PDE5A: variants seen among roughly 807,000 people sequenced by gnomAD.
PDE5A encodes the protein phosphodiesterase 5A.
Under a neutral mutation model 110.2 loss-of-function variants are expected in PDE5A, and 67 were observed. The observed-to-expected ratio is 0.61, with a 90% confidence interval of 0.50 to 0.75. PDE5A has a LOEUF of 0.75. Among genes scored for constraint, PDE5A ranks in the 30% least tolerant of loss-of-function variants. The pLI is 0.00. For missense variants in PDE5A, 862 were observed against 1,045.1 expected (o/e 0.82, Z 2.42); for synonymous variants, 328 against 351.2 (o/e 0.93, Z 0.74).
In PDE5A at chr4:119,613,625, C is replaced by T. The variant is rs188149028; in HGVS notation, c.153-6328G>A. Among the ~76,000 whole-genome samples, 9 of 152,148 alleles carry T rather than the reference C, an allele frequency of 5.9e-5. No homozygotes were observed. In the East Asian group the frequency reaches 1.4e-3, roughly 23 times the overall value. On this transcript the variant is annotated intron_variant, in intron 1 of 20. Transcript: ENST00000354960. ...TGTCCAATATAAAAGTAGAAAGCAACGGATGGAAATCCAGAAACCTCAGTA... is the reference window on the plus strand; with the variant it reads ...TGTCCAATATAAAAGTAGAAAGCAATGGATGGAAATCCAGAAACCTCAGTA...
rs533501916 is a variant in PDE5A at position 119,573,138 on chromosome 4, G to A, written c.832-5994C>T. ...ACAATATTGCATTCCATATCAAACT[G>A]TATTCATTTGATCTCCAAAGAATGG... On this transcript the variant is annotated intron_variant, in intron 3 of 20. Coordinates refer to ENST00000354960, the MANE Select transcript of PDE5A (RefSeq NM_001083.4). Among the ~76,000 whole-genome samples, 7 of 152,178 alleles carry A rather than the reference G, an allele frequency of 4.6e-5. No individual in the cohort carries two copies. The South Asian group carries it at 1.5e-3, about 32-fold the overall frequency.
intron 11 of PDE5A, among the ~76,000 whole-genome samples, chr4:119,530,171 TCA>T (rs1726480008): frequency 6.6e-6 from 1 of 152,144 alleles, no homozygotes; most frequent in Non-Finnish European, 1.5e-5. Context: ...GACTGCCATA[TCA>T]CAGTGTGATG....
chr4:119,586,699 A>G (rs1376178718), intron 3 of PDE5A, among the ~76,000 whole-genome samples: 2 of 152,228 alleles, frequency 1.3e-5, no homozygotes, highest in African/African-American at 2.4e-5. Flanking sequence ...TTCAGGGACT[A>G]TGTAAAACTT....
intron 11 of PDE5A, among the ~76,000 whole-genome samples, chr4:119,536,864 T>C (rs540011938): frequency 5.3e-5 from 8 of 152,264 alleles, no homozygotes; most frequent in African/African-American, 1.9e-4. Context: ...AGAAGCACAA[T>C]AGAAACTCTC....
At chr4:119,523,820 T>TAGTTCAACAGAAACTAA (rs1726213620) in intron 12 of PDE5A, among the ~76,000 whole-genome samples, 1 of 152,090 alleles carries the variant, frequency 6.6e-6, no homozygotes, top group Non-Finnish European at 1.5e-5. Context: ...AGAATCATTA[T>TAGTTCAACAGAAACTAA]TAGTTTCAAG....
chr4:119,512,598 T>C (rs1725784108), intron 14 of PDE5A: 1 of 151,510 alleles, frequency 6.6e-6, no homozygotes, highest in East Asian at 1.9e-4. Flanking sequence ...TGTTTAAGAG[T>C]AGATCAGATA....
intron 1 of PDE5A, among the ~76,000 whole-genome samples, chr4:119,619,460 A>T (rs1730067708): frequency 6.6e-6 from 1 of 152,216 alleles, no homozygotes; most frequent in Non-Finnish European, 1.5e-5. Context: ...TCACAAAGTT[A>T]GCTAATAGCA....
rs1387037767 is a variant in PDE5A, at chr4:119,498,495, A to G, written c.*106T>C. ...GCAAAAATAAAAATACAGCAGTGGCAAAGTATATACCAAATACAGACACTA... is the reference window on the plus strand; with the variant it reads ...GCAAAAATAAAAATACAGCAGTGGCGAAGTATATACCAAATACAGACACTA... On this transcript the variant is annotated 3_prime_UTR_variant, in exon 21 of 21. Transcript: ENST00000354960. 1.6e-6 allele frequency: 2 copies of G among 1,276,978 alleles called. No individual in the cohort carries two copies. The highest frequency in any genetic ancestry group is 2.2e-6 in the Non-Finnish European group (2 of 917,440). The allele number at this position is 1,276,978 out of a possible 1,614,324, so 79.1% of individuals were successfully genotyped here.
At chr4:119,609,149 G>A (rs1044755654) in intron 1 of PDE5A, among the ~76,000 whole-genome samples, 3 of 151,122 alleles carry the variant, frequency 2.0e-5, no homozygotes, top group South Asian at 2.1e-4. Context: ...GCTACAGTTC[G>A]AGACTCCGTC....
chr4:119,619,363 T>A (rs1343290735), intron 1 of PDE5A, among the ~76,000 whole-genome samples: 3 of 152,208 alleles, frequency 2.0e-5, no homozygotes, highest in African/African-American at 7.2e-5. Flanking sequence ...AAGAGATTTT[T>A]AAGCTCACTT....
chr4:119,513,548 G>A (rs1364278411), intron 14 of PDE5A, among the ~76,000 whole-genome samples: 1 of 152,096 alleles, frequency 6.6e-6, no homozygotes, highest in Non-Finnish European at 1.5e-5. Flanking sequence ...TGTCTCCAGG[G>A]TAACCTCAGC....
chr4:119,574,695 G>T (rs2622499), intron 3 of PDE5A, among the ~76,000 whole-genome samples: 1 of 151,888 alleles, frequency 6.6e-6, no homozygotes, highest in Non-Finnish European at 1.5e-5. Flanking sequence ...TTGGACTTAG[G>T]TTATAAGTCT....
intron 13 of PDE5A, among the ~76,000 whole-genome samples, chr4:119,520,705 T>G (rs1726096837): frequency 6.6e-6 from 1 of 152,120 alleles, no homozygotes; most frequent in African/African-American, 2.4e-5. Flanking sequence ...TGAAGTTATT[T>G]TGAAGGTTTT....
intron 9 of PDE5A, among the ~76,000 whole-genome samples, chr4:119,548,030 C>T (rs1361085919): frequency 6.7e-6 from 1 of 148,978 alleles, no homozygotes; most frequent in Non-Finnish European, 1.5e-5. Context: ...ATCACTTTGT[C>T]CATTTCTCCG....
At chr4:119,580,854 C>T (rs1292999132) in intron 3 of PDE5A, among the ~76,000 whole-genome samples, 1 of 152,174 alleles carries the variant, frequency 6.6e-6, no homozygotes, top group Admixed American at 6.5e-5. Flanking sequence ...AGTTGTATTT[C>T]ATATCAGAAT....
At chr4:119,534,413 T>C (rs903636495) in intron 11 of PDE5A, among the ~76,000 whole-genome samples, 1 of 151,960 alleles carries the variant, frequency 6.6e-6, no homozygotes, top group Non-Finnish European at 1.5e-5. Context: ...GGATCTCGGT[T>C]GCATGCTCCT....
At chr4:119,565,258 G>T in intron 5 of PDE5A, 63 bp downstream of exon 5, 1 of 1,110,426 alleles carries the variant, frequency 9.0e-7, no homozygotes, top group Non-Finnish European at 1.4e-6. Context: ...TACATTACTT[G>T]GATAAAAATG....
chr4:119,565,433 A>T (rs1165180171), intron 4 of PDE5A, 23 bp from the exon 5 acceptor site: 2 of 1,512,456 alleles, frequency 1.3e-6, no homozygotes, highest in Non-Finnish European at 1.8e-6. Flanking sequence ...TAATAGACAA[A>T]TAAAAACGGT....
intron 15 of PDE5A, among the ~76,000 whole-genome samples, chr4:119,508,771 C>G (rs1487026698): frequency 1.3e-5 from 2 of 151,860 alleles, no homozygotes; most frequent in Non-Finnish European, 2.9e-5. Flanking sequence ...GATGAAATGT[C>G]TTTTGGTGCT....
Sources: gnomAD v4.1 joint callset for allele counts (sites outside exome capture counted in the v4.1 genomes callset) on GRCh38, gnomAD v4.1.1 for gene constraint, MANE v1.5 for transcripts, NCBI Gene and HGNC (gene_info 2026-07-23, HGNC 2026-07-21) for gene names.